The following UPF2 variants were observed in gnomAD, a reference collection of about 807,000 sequenced individuals.
UPF2 encodes the protein regulator of nonsense transcripts 2.
UPF2 carries 17 observed loss-of-function variants against 141.4 expected under a neutral mutation model. The observed-to-expected ratio is 0.12, with a 90% CI of 0.08 to 0.18. UPF2 has a LOEUF of 0.18. UPF2 is among the 10% of genes least tolerant of loss of function. UPF2 has a pLI of 1.00. For synonymous variants in UPF2, 540 were observed against 498.0 expected (o/e 1.08, Z -1.12); for missense variants, 1,152 against 1,515.9 (o/e 0.76, Z 3.99).
intron 16 of UPF2, among the ~76,000 whole-genome samples, chr10:11,947,478 A>G (rs768095015): frequency 3.9e-5 from 6 of 152,178 alleles, no homozygotes; most frequent in Non-Finnish European, 7.3e-5. Context: ...CATATTCAAC[A>G]GCGAGATTAA....
intron 11 of UPF2, among the ~76,000 whole-genome samples, chr10:11,961,305 G>A (rs1057268354): frequency 1.3e-5 from 2 of 151,902 alleles, no homozygotes; most frequent in Admixed American, 1.3e-4. Context: ...ACTGAGATCC[G>A]AAACAACAGA....
intron 1 of UPF2, among the ~76,000 whole-genome samples, chr10:12,037,721 T>C (rs1834657946): frequency 6.6e-6 from 1 of 152,018 alleles, no homozygotes; most frequent in Admixed American, 6.6e-5. Context: ...TTAAAAGCAA[T>C]AGTATCCTTA....
At position 12,014,656 on chromosome 10, in the gene UPF2, C is replaced by T. The variant is rs1588570359; in HGVS notation, c.1146-472G>A. ...TCAAAAATTATTTGGTTTTTTATTA[C>T]TGTCATACTCCCCTCAGACATACAG... On this transcript the variant is annotated intron_variant, in intron 3 of 21. Transcript: ENST00000357604. This position sits in a 1 kb window ranked among gnomAD's most constrained non-coding sequence, Gnocchi z 5.0. Among the ~76,000 whole-genome samples the T allele has an allele frequency of 6.6e-6, 1 of 152,142 alleles. No individual in the cohort carries two copies. Among genetic ancestry groups the T allele is most frequent in the Non-Finnish European group, 1.5e-5 (1 of 68,020 alleles).
chr10:11,930,137 A>G, intron 20 of UPF2, 152 bp from the exon 21 acceptor site: 1 of 1,126,114 alleles, frequency 8.9e-7, no homozygotes, highest in Non-Finnish European at 1.2e-6. Context: ...AAAATGATTA[A>G]GAAGTTTTAA....
intron 8 of UPF2, among the ~76,000 whole-genome samples, chr10:11,993,873 C>T (rs1057239460): frequency 1.3e-5 from 2 of 151,950 alleles, no homozygotes; most frequent in Non-Finnish European, 2.9e-5. Flanking sequence ...CCTGTGGTCC[C>T]GGCTACTTGC....
chr10:11,968,204 T>C (rs1183295113), intron 9 of UPF2, among the ~76,000 whole-genome samples: 1 of 152,058 alleles, frequency 6.6e-6, no homozygotes, highest in Non-Finnish European at 1.5e-5. Flanking sequence ...ATTCTTGTTA[T>C]ATTCAAACTA....
intron 10 of UPF2, among the ~76,000 whole-genome samples, chr10:11,966,889 T>C (rs1317947037): frequency 1.3e-5 from 2 of 152,388 alleles, no homozygotes; most frequent in Non-Finnish European, 2.9e-5. Flanking sequence ...TAGGTAGAAA[T>C]GTTTGTATTC....
At chr10:12,031,207 T>G (rs1186372585) in intron 2 of UPF2, among the ~76,000 whole-genome samples, 1 of 147,268 alleles carries the variant, frequency 6.8e-6, no homozygotes, top group African/African-American at 2.5e-5. Flanking sequence ...AGTTTTGCAA[T>G]GTTAGATATT....
rs1161820969 is a variant in UPF2 at position 11,939,715 on chromosome 10, C to T, written c.3378+2950G>A. Among the ~76,000 whole-genome samples the T allele has an allele frequency of 6.6e-6, 1 of 151,990 alleles. No homozygotes were observed. The highest frequency in any genetic ancestry group is 1.9e-4 in the East Asian group (1 of 5,180). On this transcript the variant is annotated intron_variant, in intron 18 of 21. Transcript: ENST00000357604. This position sits in a 1 kb window ranked among gnomAD's most constrained non-coding sequence, Gnocchi z 4.8. The stretch of plus-strand genomic sequence containing the variant: ...TATTTTTAGTAGAGACAGGGTTTCA[C>T]CATGTTGGCCAGGCTGGTCTTGAAC...
rs1832908489 is a variant in UPF2 at position 11,939,403 on chromosome 10, CG to C, written c.3379-2692del. 6.6e-6 allele frequency among the ~76,000 whole-genome samples: 1 copy of C among 152,042 alleles called. No individual in the cohort carries two copies. The highest frequency in any genetic ancestry group is 6.5e-5 in the Admixed American group (1 of 15,274). On this transcript the variant is annotated intron_variant, in intron 18 of 21. Transcript: ENST00000357604. This position sits in a 1 kb window ranked among gnomAD's most constrained non-coding sequence, Gnocchi z 4.8. Reference sequence around the variant, plus strand: ...CTGTTTTCCCTTAACTGATTTGCAACGTTATCTTCATCATATTACTAAACGG... The same window carrying C: ...CTGTTTTCCCTTAACTGATTTGCAACTTATCTTCATCATATTACTAAACGG...
intron 3 of UPF2, among the ~76,000 whole-genome samples, chr10:12,021,469 C>CCAT (rs1834316985): frequency 6.6e-6 from 1 of 151,966 alleles, no homozygotes; most frequent in African/African-American, 2.4e-5. Flanking sequence ...CTGCAGTGAG[C>CCAT]TATGACTGCA....
chr10:11,985,159 A>C (rs1034096611), intron 8 of UPF2, among the ~76,000 whole-genome samples: 1 of 152,202 alleles, frequency 6.6e-6, no homozygotes, highest in African/African-American at 2.4e-5. Flanking sequence ...TATGGAAGTA[A>C]AGTTAGATAC....
At chr10:12,020,957 C>A (rs759869683) in intron 3 of UPF2, among the ~76,000 whole-genome samples, 5 of 152,196 alleles carry the variant, frequency 3.3e-5, no homozygotes, top group Admixed American at 6.6e-5. Flanking sequence ...CACCACAGAA[C>A]TGTTTATTTT....
At chr10:12,028,561 T>C (rs906504300) in intron 3 of UPF2, among the ~76,000 whole-genome samples, 184 bp downstream of exon 3, 3 of 152,170 alleles carry the variant, frequency 2.0e-5, no homozygotes, top group Non-Finnish European at 4.4e-5. Context: ...ACAAAATCTA[T>C]CGTAGACTCA....
chr10:12,042,122 C>T lies in UPF2; in HGVS notation c.-19+633G>A, dbSNP rs1834746572. Among the ~76,000 whole-genome samples the T allele has an allele frequency of 6.6e-6, 1 of 151,902 alleles. No individual in the cohort carries two copies. The highest frequency in any genetic ancestry group is 6.6e-5 in the Admixed American group (1 of 15,242). On this transcript the variant is annotated intron_variant, in intron 1 of 21. Coordinates refer to ENST00000357604, the MANE Select transcript of UPF2 (RefSeq NM_015542.4). The surrounding 1 kb of genome is among the most constrained non-coding windows in gnomAD (Gnocchi z 5.5). ...AGCCCATGCCCACCATCCCCAGATA[C>T]ACCCCAAGCCCCTTCCCCTACACAT...
intron 8 of UPF2, among the ~76,000 whole-genome samples, chr10:11,981,149 C>T (rs1345304285): frequency 6.6e-6 from 1 of 151,598 alleles, no homozygotes; most frequent in Non-Finnish European, 1.5e-5. Context: ...GGCCACAGAG[C>T]GAGACTTTGT....
At chr10:11,993,463 T>G (rs943142460) in intron 8 of UPF2, among the ~76,000 whole-genome samples, 21 of 151,932 alleles carry the variant, frequency 1.4e-4, no homozygotes, top group Non-Finnish European at 2.1e-4. Context: ...TATTTAATCA[T>G]GTAAACCTGA....
chr10:11,947,589 C>G (rs1833017023), intron 16 of UPF2, among the ~76,000 whole-genome samples: 1 of 151,728 alleles, frequency 6.6e-6, no homozygotes, highest in Non-Finnish European at 1.5e-5. Flanking sequence ...TGAGACCAGC[C>G]TGGGCAATAT....
chr10:12,022,834 T>C (rs1834342091), intron 3 of UPF2, among the ~76,000 whole-genome samples: 1 of 152,282 alleles, frequency 6.6e-6, no homozygotes, highest in East Asian at 1.9e-4. Context: ...CCTCAAGAAT[T>C]AGCATTCATA....
Sources: gnomAD v4.1 joint callset for allele counts (sites outside exome capture counted in the v4.1 genomes callset) on GRCh38, gnomAD v4.1.1 for gene constraint, Gnocchi (gnomAD v3.1) non-coding constraint, MANE v1.5 for transcripts, NCBI Gene and HGNC (gene_info 2026-07-23, HGNC 2026-07-21) for gene names.